Variants in CDKL4 observed in about 807,000 individuals in gnomAD.
CDKL4 encodes the protein cyclin dependent kinase like 4.
In CDKL4, 44 loss-of-function variants were observed where a neutral mutation model predicts 42.0. That is an observed-to-expected ratio of 1.05 (90% CI 0.82 to 1.35). The LOEUF (loss-of-function observed/expected upper bound fraction) is 1.35, where lower values mean the gene tolerates loss of function less well. Ranked by LOEUF, CDKL4 falls within the 40% of genes most tolerant of loss-of-function variation. CDKL4 has a pLI of 0.00. For synonymous variants in CDKL4, 120 were observed against 121.6 expected, an observed-to-expected ratio of 0.99 and a Z score of 0.09; for missense variants, 393 against 369.9, an observed-to-expected ratio of 1.06 and a Z score of -0.51.
chr2:39,234,353 T>C (rs1679247572), intron 1 of CDKL4, among the ~76,000 whole-genome samples: 1 of 152,040 alleles, frequency 6.6e-6, no homozygotes, highest in Non-Finnish European at 1.5e-5. Context: ...GAGATGCTGA[T>C]AGGAGAATAG....
chr2:39,171,641 A>G (rs1323001167), downstream of CDKL4, among the ~76,000 whole-genome samples: 1 of 152,218 alleles, frequency 6.6e-6, no homozygotes, highest in Non-Finnish European at 1.5e-5. Flanking sequence ...GAGCTCTAAG[A>G]ATAGGCAAAG....
intron 1 of CDKL4, among the ~76,000 whole-genome samples, chr2:39,230,567 G>C (rs373163805): frequency 6.6e-6 from 1 of 152,052 alleles, no homozygotes; most frequent in African/African-American, 2.4e-5. Context: ...TTTGGTGACC[G>C]AATTAAATAT....
chr2:39,221,052 C>G (rs1350840359), intron 3 of CDKL4, among the ~76,000 whole-genome samples: 1 of 119,314 alleles, frequency 8.4e-6, no homozygotes, highest in South Asian at 2.9e-4. Context: ...TCGCTCTTGT[C>G]GCCCAGGCTG....
At chr2:39,241,987 T>C (rs185536552) in intron 1 of CDKL4, among the ~76,000 whole-genome samples, 8 of 152,232 alleles carry the variant, frequency 5.3e-5, no homozygotes, top group Non-Finnish European at 1.0e-4. Context: ...AATGGTGATA[T>C]AGCTATTGGC....
chr2:39,202,690 T>C (rs1259915526), intron 5 of CDKL4, among the ~76,000 whole-genome samples: 2 of 152,242 alleles, frequency 1.3e-5, no homozygotes, highest in Middle Eastern at 3.2e-3. Context: ...TGGTGATTCA[T>C]TTTGAGTGAA....
downstream of CDKL4, among the ~76,000 whole-genome samples, chr2:39,174,346 G>C (rs1255634968): frequency 6.6e-6 from 1 of 151,148 alleles, no homozygotes; most frequent in African/African-American, 2.4e-5. Context: ...GTTGCAGTGA[G>C]CTGTGATTGC....
chr2:39,204,668 A>G, intron 4 of CDKL4, 51 bp from the exon 5 acceptor site: 1 of 1,004,820 alleles, frequency 1.0e-6, no homozygotes, highest in Non-Finnish European at 1.5e-6. Flanking sequence ...ATGACAAAGA[A>G]TAAACATTAA....
At chr2:39,196,556 C>G (rs1002377765) in intron 5 of CDKL4, among the ~76,000 whole-genome samples, 3 of 152,172 alleles carry the variant, frequency 2.0e-5, no homozygotes, top group Non-Finnish European at 2.9e-5. Flanking sequence ...CTGACATAGT[C>G]TACCCAAATG....
At chr2:39,201,291 A>G (rs946243693) in intron 5 of CDKL4, among the ~76,000 whole-genome samples, 2 of 103,516 alleles carry the variant, frequency 1.9e-5, no homozygotes, top group Non-Finnish European at 4.4e-5. Flanking sequence ...AAGAATGGCT[A>G]TAACCAAAAA....
At chr2:39,229,575 G>A (rs762192243) in exon 2 of CDKL4, 4 of 1,473,258 alleles carry the variant, frequency 2.7e-6, no homozygotes, top group Admixed American at 4.0e-5. Context: ...TTGACTTGCA[G>A]TACAATGCTG....
chr2:39,191,132 C>G (rs771114967), intron 5 of CDKL4, among the ~76,000 whole-genome samples: 14 of 152,146 alleles, frequency 9.2e-5, no homozygotes, highest in Non-Finnish European at 1.3e-4. Flanking sequence ...GGCATGGTGG[C>G]TCATGCCTCT....
intron 2 of CDKL4, among the ~76,000 whole-genome samples, chr2:39,227,914 C>T (rs965361383): frequency 6.6e-6 from 1 of 152,168 alleles, no homozygotes; most frequent in African/African-American, 2.4e-5. Flanking sequence ...GAGAGGCAAG[C>T]AATTTAAATA....
At chr2:39,184,314 G>A (rs548140466) in intron 8 of CDKL4, among the ~76,000 whole-genome samples, 4 of 152,266 alleles carry the variant, frequency 2.6e-5, no homozygotes, top group East Asian at 3.9e-4. Context: ...ATCTGTCCTT[G>A]GTTTGGCGTC....
In CDKL4 at chr2:39,185,130, A is replaced by G. The variant is rs574266293; in HGVS notation, c.736-483T>C. The stretch of plus-strand genomic sequence containing the variant: ...TAAATATATATATATACACACACAT[A>G]TATATACATATATATGTGTATATAT... On this transcript the variant is annotated intron_variant, in intron 7 of 9. Coordinates refer to ENST00000451199, the Ensembl canonical transcript of CDKL4. 3.9e-4 allele frequency among the ~76,000 whole-genome samples: 54 copies of G among 138,864 alleles called. 1 individual carries two copies. The highest frequency in any genetic ancestry group is 6.7e-4 in the Admixed American group (9 of 13,496). 91.1% of individuals were successfully genotyped at this position (138,864 alleles called of 152,430 possible).
chr2:39,195,071 C>T (rs905845216), intron 5 of CDKL4, among the ~76,000 whole-genome samples: 5 of 152,136 alleles, frequency 3.3e-5, no homozygotes, highest in African/African-American at 1.2e-4. Flanking sequence ...GATATTTGTC[C>T]TTTTCTGTCT....
At chr2:39,206,947 T>C (rs1677237797) in intron 4 of CDKL4, among the ~76,000 whole-genome samples, 1 of 152,232 alleles carries the variant, frequency 6.6e-6, no homozygotes, top group African/African-American at 2.4e-5. Context: ...AAAATCATTT[T>C]AGGTTGCAGA....
At position 39,185,280 on chromosome 2, in the gene CDKL4, A is replaced by G. The variant is rs971060007; in HGVS notation, c.736-633T>C. Among the ~76,000 whole-genome samples, 15 of 54,600 alleles carry G rather than the reference A, an allele frequency of 2.7e-4. 1 individual carries two copies. The highest frequency in any genetic ancestry group is 5.9e-4 in the Non-Finnish European group (14 of 23,670). 35.8% of individuals were successfully genotyped at this position (54,600 alleles called of 152,430 possible). A position where few individuals can be genotyped will look rare whatever the true frequency, so the allele number is the denominator to read the frequency against. ...TGTATATATACATATATATACACAT[A>G]TGTATATATACATATATATACACAT... On this transcript the variant is annotated intron_variant, in intron 7 of 9. Coordinates refer to ENST00000451199, the Ensembl canonical transcript of CDKL4.
chr2:39,226,652 C>T (rs1367578546), intron 2 of CDKL4, among the ~76,000 whole-genome samples: 4 of 151,600 alleles, frequency 2.6e-5, no homozygotes, highest in Non-Finnish European at 4.4e-5. Flanking sequence ...ATCACTACAG[C>T]GATTAGATAA....
intron 3 of CDKL4, among the ~76,000 whole-genome samples, chr2:39,219,243 G>A (rs1558574620): frequency 1.3e-5 from 2 of 152,104 alleles, no homozygotes. Context: ...GTTGAATCCT[G>A]ACCAATTCAG....
Sources: allele counts gnomAD v4.1 joint callset (sites outside exome capture counted in the v4.1 genomes callset), GRCh38; gene constraint gnomAD v4.1.1; transcripts MANE v1.5; gene names NCBI Gene and HGNC (gene_info 2026-07-23, HGNC 2026-07-21).